Variants in KY observed in about 807,000 individuals in gnomAD.
The protein encoded by KY is kyphoscoliosis peptidase.
KY carries 43 observed loss-of-function variants against 76.1 expected under a neutral mutation model. The ratio of observed to expected loss-of-function variants is 0.57; its 90% confidence interval spans 0.44 to 0.73. The LOEUF is 0.73. Ranked by LOEUF, KY falls within the 30% of genes least tolerant of loss-of-function variation. The pLI is 0.00. For missense variants in KY, 722 were observed against 828.9 expected (o/e 0.87, Z 1.58); for synonymous variants, 277 against 326.2 (o/e 0.85, Z 1.63).
At position 134,603,207 on chromosome 3, in the gene KY, T is replaced by C. The variant is rs147300086; in HGVS notation, c.*372A>G. 3.5e-3 allele frequency: 612 copies of C among 173,714 alleles called. 2 individuals carry two copies. The highest frequency in any genetic ancestry group is 5.3e-3 in the Admixed American group (84 of 15,994). 10.8% of individuals were successfully genotyped at this position (173,714 alleles called of 1,614,324 possible). Reference sequence around the variant, plus strand: ...GGAAGAGAATTCTCTAAGCATCATGTGAAAAGCTGTCAACCTGGGCAATAT... The same window carrying C: ...GGAAGAGAATTCTCTAAGCATCATGCGAAAAGCTGTCAACCTGGGCAATAT... On this transcript the variant is annotated 3_prime_UTR_variant, in exon 11 of 11. Transcript: ENST00000423778.
At position 134,634,472 on chromosome 3, in the gene KY, G is replaced by A. The variant is rs1376290820; in HGVS notation, c.263-4777C>T. On this transcript the variant is annotated intron_variant, in intron 3 of 10. Transcript: ENST00000423778. ...TAGCAAAATAAATTTTTACAAAAGTGCAAAGACAATTCAGTTGGAAAAAGG... is the reference window on the plus strand; with the variant it reads ...TAGCAAAATAAATTTTTACAAAAGTACAAAGACAATTCAGTTGGAAAAAGG... Among the ~76,000 whole-genome samples the A allele has an allele frequency of 2.6e-5, 4 of 152,250 alleles. No homozygotes were observed. In the East Asian group the frequency reaches 5.8e-4, roughly 22 times the overall value.
In KY at chr3:134,601,255, C is replaced by G. The variant is rs1156544731; in HGVS notation, c.*2324G>C. On this transcript the variant is annotated 3_prime_UTR_variant, in exon 11 of 11. Transcript: ENST00000423778. Reference sequence around the variant, plus strand: ...TTTACAAAGGGGGTGCCTAGTTAAACGAGAGGGAGGGGCTTGCTGATGCCC... The same window carrying G: ...TTTACAAAGGGGGTGCCTAGTTAAAGGAGAGGGAGGGGCTTGCTGATGCCC... 1 of 89,588 alleles carries G rather than the reference C, an allele frequency of 1.1e-5. No homozygotes were observed. Among genetic ancestry groups the G allele is most frequent in the Non-Finnish European group, 2.5e-5 (1 of 39,918 alleles). The allele number at this position is 89,588 out of a possible 1,614,324, so 5.5% of individuals were successfully genotyped here.
Position 134,603,472 on chromosome 3 carries a change from A to G in KY, c.*107T>C. 1.0e-6 allele frequency: 1 copy of G among 998,948 alleles called. No homozygotes were observed. The highest frequency in any genetic ancestry group is 2.5e-5 in the Admixed American group (1 of 40,770). The allele number at this position is 998,948 out of a possible 1,614,324, so 61.9% of individuals were successfully genotyped here. A position where few individuals can be genotyped will look rare whatever the true frequency, so the allele number is the denominator to read the frequency against. ...ACACTGAGGCAGAGGCCTAGAAGGG[A>G]TTTCATGCAGACTCAGTGGTGTCCA... On this transcript the variant is annotated 3_prime_UTR_variant, in exon 11 of 11. Transcript: ENST00000423778.
chr3:134,611,406 C>G (rs778212565), intron 8 of KY, among the ~76,000 whole-genome samples: 14 of 152,332 alleles, frequency 9.2e-5, no homozygotes, highest in South Asian at 6.2e-4. Flanking sequence ...TGGTCTTGCT[C>G]CTCAGCAGCC....
At chr3:134,650,542 G>A (rs1431464476) in intron 1 of KY, among the ~76,000 whole-genome samples, 2 of 152,192 alleles carry the variant, frequency 1.3e-5, no homozygotes, top group Admixed American at 6.5e-5. Flanking sequence ...CACCCGTTAG[G>A]GAGTGGCTGG....
intron 2 of KY, among the ~76,000 whole-genome samples, chr3:134,645,037 A>G (rs2108020726): frequency 6.6e-6 from 1 of 152,362 alleles, no homozygotes; most frequent in South Asian, 2.1e-4. Context: ...CCGGGAAGGG[A>G]ATCCTCAAGG....
chr3:134,642,248 A>G (rs1965850421), intron 3 of KY, among the ~76,000 whole-genome samples: 1 of 152,180 alleles, frequency 6.6e-6, no homozygotes, highest in Admixed American at 6.5e-5. Flanking sequence ...AGAGGCTCCA[A>G]TCCTCCGGGG....
intron 2 of KY, among the ~76,000 whole-genome samples, chr3:134,644,434 G>C (rs1966181535): frequency 6.6e-6 from 1 of 152,308 alleles, no homozygotes; most frequent in Admixed American, 6.5e-5. Context: ...AGCTGCTGCT[G>C]TGGCCTGCTG....
rs1219515049 is a variant in KY, at chr3:134,646,157, C to T, written c.199+1278G>A. ...CTGTGGCTAACAGGTCTCTGGGGGT[C>T]TGATTCTTATTAAAATTCTCAATAA... On this transcript the variant is annotated intron_variant, in intron 2 of 10. Transcript: ENST00000423778. Among the ~76,000 whole-genome samples the T allele has an allele frequency of 2.6e-5, 4 of 152,204 alleles. No homozygotes were observed. The East Asian group carries it at 7.7e-4, about 29-fold the overall frequency.
intron 5 of KY, among the ~76,000 whole-genome samples, chr3:134,626,204 A>T (rs1577701723): frequency 6.6e-6 from 1 of 152,218 alleles, no homozygotes; most frequent in South Asian, 2.1e-4. Context: ...AGGTGGACCC[A>T]CCCACCTTCA....
intron 6 of KY, among the ~76,000 whole-genome samples, chr3:134,623,254 G>A (rs1264763474): frequency 6.6e-6 from 1 of 152,166 alleles, no homozygotes; most frequent in East Asian, 1.9e-4. Context: ...ACTGTTCTCT[G>A]AGTATGGCCA....
chr3:134,610,061 G>T, intron 9 of KY, 134 bp downstream of exon 9: 1 of 930,262 alleles, frequency 1.1e-6, no homozygotes, highest in East Asian at 2.6e-5. Context: ...TCAGAGCCGA[G>T]GAGGAGTGGG....
intron 10 of KY, among the ~76,000 whole-genome samples, chr3:134,605,617 C>G (rs1171841194): frequency 1.3e-5 from 2 of 152,220 alleles, no homozygotes; most frequent in East Asian, 3.9e-4. Flanking sequence ...AAAAGCTGTC[C>G]CAACCCTGTC....
chr3:134,599,965 G>A lies in KY; in HGVS notation c.*3614C>T, dbSNP rs1373101675. Among the ~76,000 whole-genome samples, 2 of 152,110 alleles carry A rather than the reference G, an allele frequency of 1.3e-5. No individual in the cohort carries two copies. Among genetic ancestry groups the A allele is most frequent in the Non-Finnish European group, 2.9e-5 (2 of 68,030 alleles). On this transcript the variant is annotated 3_prime_UTR_variant, in exon 11 of 11. Coordinates refer to ENST00000423778, the MANE Select transcript of KY (RefSeq NM_178554.6). ...TAAATTTTATTGAAAAACAACACCA[G>A]CAACAACATGGAGAAAGCATACTCA...
At chr3:134,629,337 G>T (rs1459458976) in intron 4 of KY, 2 of 406,008 alleles carry the variant, frequency 4.9e-6, no homozygotes, top group Middle Eastern at 6.8e-4. Context: ...TAAACAAATG[G>T]TATCTAAAAG....
intron 1 of KY, among the ~76,000 whole-genome samples, chr3:134,649,056 A>G (rs1966772753): frequency 6.6e-6 from 1 of 152,174 alleles, no homozygotes; most frequent in African/African-American, 2.4e-5. Flanking sequence ...TCTCCTGAAT[A>G]TCATCTCTGC....
rs1196585030 is a variant in KY, at chr3:134,619,258, G to A, written c.600C>T (p.Asp200=). The change falls in exon 8 of 11, where the codon GAC becomes GAT. Residue 200 remains aspartate (D), a synonymous_variant. Coordinates refer to ENST00000423778, the MANE Select transcript of KY (RefSeq NM_178554.6). ...GGTCCTTCTCCTGAGCAGCTGCAAT[G>A]TCATACTCTATAGGGCAGGTGAGGG... The part of the protein sequence containing the change: ...WIWICHHIEY[D]IAAAQEKDRQ... 6.2e-7 allele frequency: 1 copy of A among 1,613,090 alleles called. No individual in the cohort carries two copies. Among genetic ancestry groups the A allele is most frequent in the African/African-American group, 1.3e-5 (1 of 74,910 alleles).
chr3:134,633,023 C>G (rs935834846), intron 3 of KY, among the ~76,000 whole-genome samples: 12 of 151,824 alleles, frequency 7.9e-5, no homozygotes, highest in African/African-American at 2.4e-4. Flanking sequence ...TGAAATGGGC[C>G]AATTCCTTAA....
At chr3:134,649,850 A>G (rs1966843517) in intron 1 of KY, among the ~76,000 whole-genome samples, 1 of 152,208 alleles carries the variant, frequency 6.6e-6, no homozygotes, top group Non-Finnish European at 1.5e-5. Context: ...GGACAGAAGA[A>G]CCAAGGGCAG....
Sources: gnomAD v4.1 joint callset for allele counts (sites outside exome capture counted in the v4.1 genomes callset) on GRCh38, gnomAD v4.1.1 for gene constraint, MANE v1.5 for transcripts, NCBI Gene and HGNC (gene_info 2026-07-23, HGNC 2026-07-21) for gene names.